The following GRIP1 variants were observed in gnomAD, a reference collection of about 807,000 sequenced individuals.
GRIP1 encodes the protein glutamate receptor-interacting protein 1.
Under a neutral mutation model 129.9 loss-of-function variants are expected in GRIP1, and 45 were observed. That is an observed-to-expected ratio of 0.35 (90% CI 0.27 to 0.44). The LOEUF (loss-of-function observed/expected upper bound fraction) is 0.44, where lower values mean the gene tolerates loss of function less well. Among genes scored for constraint, GRIP1 ranks in the 20% least tolerant of loss-of-function variants. The pLI is 1.00. For synonymous variants in GRIP1, 530 were observed against 520.8 expected, an observed-to-expected ratio of 1.02 and a Z score of -0.24; for missense variants, 1,196 against 1,396.8, an observed-to-expected ratio of 0.86 and a Z score of 2.29.
intron 1 of GRIP1, among the ~76,000 whole-genome samples, chr12:66,666,429 T>C (rs913472231): frequency 1.3e-5 from 2 of 152,234 alleles, no homozygotes; most frequent in African/African-American, 4.8e-5. Flanking sequence ...CCCTTAGGAT[T>C]TCTATTTGCC....
At chr12:66,625,243 G>A (rs1042775827) in intron 1 of GRIP1, among the ~76,000 whole-genome samples, 1 of 151,958 alleles carries the variant, frequency 6.6e-6, no homozygotes, top group African/African-American at 2.4e-5. Flanking sequence ...AATGTAACTC[G>A]CATCTTATCA....
intron 7 of GRIP1, among the ~76,000 whole-genome samples, chr12:66,483,538 C>T (rs2059865613): frequency 6.6e-6 from 1 of 152,164 alleles, no homozygotes; most frequent in African/African-American, 2.4e-5. Context: ...TTGGATAAAG[C>T]ATGTTTAATT....
rs967865661 is a variant in GRIP1 at position 66,660,327 on chromosome 12, T to C, written c.55+18523A>G. Among the ~76,000 whole-genome samples, 15 of 152,234 alleles carry C rather than the reference T, an allele frequency of 9.9e-5. 2 individuals are homozygous for C. The Middle Eastern group carries it at 0.01, about 104-fold the overall frequency. On this transcript the variant is annotated intron_variant, in intron 1 of 24. Coordinates refer to ENST00000359742, the MANE Select transcript of GRIP1 (RefSeq NM_001366722.1). ...TAATGCACCTACGTATTCAAATGAA[T>C]GACTGTAGCTTAGTATTGGAATATT...
chr12:66,868,136 GA>G (rs1302612069), intron 1 of GRIP1, among the ~76,000 whole-genome samples: 1 of 152,076 alleles, frequency 6.6e-6, no homozygotes, highest in Non-Finnish European at 1.5e-5. Context: ...TTAAGCAAAA[GA>G]AGCTGGTAAA....
intron 1 of GRIP1, among the ~76,000 whole-genome samples, chr12:66,849,887 A>G (rs1320088039): frequency 4.6e-5 from 7 of 152,172 alleles, no homozygotes; most frequent in Non-Finnish European, 7.3e-5. Context: ...GAGAAAGCAC[A>G]TGAATAGGAG....
At chr12:66,969,583 A>AT (rs1052504363) in intron 1 of GRIP1, among the ~76,000 whole-genome samples, 25 of 151,780 alleles carry the variant, frequency 1.6e-4, no homozygotes, top group Non-Finnish European at 2.8e-4. Flanking sequence ...CGCCTGGCTA[A>AT]TTTTTTTTAT....
intron 1 of GRIP1, among the ~76,000 whole-genome samples, chr12:66,982,377 T>C (rs2042251683): frequency 6.6e-6 from 1 of 152,176 alleles, no homozygotes; most frequent in South Asian, 2.1e-4. Context: ...TGTCCTTATA[T>C]ATTCCCCTCC....
At chr12:66,461,159 T>A (rs933475928) in intron 9 of GRIP1, among the ~76,000 whole-genome samples, 9 of 151,936 alleles carry the variant, frequency 5.9e-5, no homozygotes, top group African/African-American at 1.9e-4. Flanking sequence ...CCTTGGCAGG[T>A]TAAAAAATTT....
At chr12:66,524,644 C>G (rs2061155942) in intron 5 of GRIP1, among the ~76,000 whole-genome samples, 1 of 151,994 alleles carries the variant, frequency 6.6e-6, no homozygotes, top group African/African-American at 2.4e-5. Flanking sequence ...CAAACACATT[C>G]AAAAGCTAGC....
upstream of GRIP1, among the ~76,000 whole-genome samples, chr12:66,680,563 T>C (rs182126437): frequency 1.1e-4 from 16 of 152,284 alleles, no homozygotes; most frequent in African/African-American, 3.8e-4. Context: ...CATAAATCTT[T>C]CTTTGAATTT....
exon 1 of GRIP1, chr12:67,069,125 T>C: frequency 1.0e-6 from 1 of 984,778 alleles, no homozygotes; most frequent in Non-Finnish European, 1.2e-6. Flanking sequence ...CTCCCTGCGC[T>C]CGCTGTCGGG....
intron 1 of GRIP1, among the ~76,000 whole-genome samples, chr12:66,817,597 CG>C (rs202076028): frequency 0.016 from 2,419 of 151,930 alleles, 35 homozygotes; most frequent in South Asian, 0.031. Flanking sequence ...TTAGTAGAGA[CG>C]GGGTTTCACC....
intron 1 of GRIP1, among the ~76,000 whole-genome samples, chr12:66,905,492 G>A (rs1395862381): frequency 6.6e-6 from 1 of 152,208 alleles, no homozygotes; most frequent in Admixed American, 6.5e-5. Flanking sequence ...TAACTCTGTT[G>A]TTAGGAATAC....
intron 7 of GRIP1, among the ~76,000 whole-genome samples, chr12:66,497,156 TC>T (rs748851017): frequency 6.6e-6 from 1 of 152,172 alleles, no homozygotes; most frequent in Non-Finnish European, 1.5e-5. Flanking sequence ...TGTCCCTGTT[TC>T]CCCGTCCCTG....
intron 1 of GRIP1, among the ~76,000 whole-genome samples, chr12:67,041,243 C>T (rs749893695): frequency 2.0e-5 from 3 of 151,752 alleles, no homozygotes; most frequent in African/African-American, 4.8e-5. Flanking sequence ...CATGTATGCA[C>T]ATATATGCAT....
At chr12:66,942,199 GT>G (rs775712251) in intron 1 of GRIP1, among the ~76,000 whole-genome samples, 22 of 152,192 alleles carry the variant, frequency 1.4e-4, no homozygotes, top group Non-Finnish European at 3.1e-4. Flanking sequence ...CTCCAAGCTA[GT>G]TGTGGCTGCC....
intron 1 of GRIP1, among the ~76,000 whole-genome samples, chr12:66,667,886 C>A (rs760467882): frequency 1.3e-5 from 2 of 152,182 alleles, no homozygotes; most frequent in African/African-American, 4.8e-5. Context: ...AAAAACCACA[C>A]AAGTTTGAAG....
At chr12:66,742,094 A>C (rs1045888026) in intron 1 of GRIP1, among the ~76,000 whole-genome samples, 4 of 152,120 alleles carry the variant, frequency 2.6e-5, no homozygotes, top group Admixed American at 2.6e-4. Context: ...CTCTAGTATT[A>C]CTTTATTTTC....
At chr12:66,602,608 C>T (rs1264664642) in intron 1 of GRIP1, among the ~76,000 whole-genome samples, 1 of 152,088 alleles carries the variant, frequency 6.6e-6, no homozygotes, top group Non-Finnish European at 1.5e-5. Context: ...GCTAAGTTTA[C>T]ACCAGAAGAT....
Sources: gnomAD v4.1 joint callset for allele counts (sites outside exome capture counted in the v4.1 genomes callset) on GRCh38, gnomAD v4.1.1 for gene constraint, MANE v1.5 for transcripts, NCBI Gene and HGNC (gene_info 2026-07-23, HGNC 2026-07-21) for gene names.